The following SAP30BP variants were observed in gnomAD, a reference collection of about 807,000 sequenced individuals.
SAP30BP encodes the protein SAP30 binding protein.
A neutral mutation model predicts 46.3 loss-of-function variants in SAP30BP; 31 were observed. The observed-to-expected ratio is 0.67, with a 90% CI of 0.50 to 0.90. SAP30BP has a LOEUF of 0.90. SAP30BP is among the 40% of genes least tolerant of loss of function. SAP30BP has a pLI of 0.00. For synonymous variants in SAP30BP, 169 were observed against 144.2 expected (o/e 1.17, Z -1.23); for missense variants, 312 against 391.0 (o/e 0.80, Z 1.70).
intron 3 of SAP30BP, among the ~76,000 whole-genome samples, chr17:75,678,457 A>G (rs1225248449): frequency 1.9e-5 from 2 of 107,484 alleles, no homozygotes; most frequent in African/African-American, 3.3e-5. Flanking sequence ...CACAGACACA[A>G]TTTAAAACAC....
At position 75,707,508 on chromosome 17, in the gene SAP30BP, CAAA is replaced by C. The variant is rs1459501386; in HGVS notation, c.*989_*991del. ...CCACTGGAGCGGAAGGGCTGTGTGT[CAAA>C]AGAAGGAAGCCAGGCTGTGAAGGGC... On this transcript the variant is annotated 3_prime_UTR_variant, in exon 11 of 11. Coordinates refer to ENST00000584667, the MANE Select transcript of SAP30BP (RefSeq NM_013260.8). 6.5e-6 allele frequency: 1 copy of C among 152,682 alleles called. No homozygotes were observed. Among genetic ancestry groups the C allele is most frequent in the African/African-American group, 2.4e-5 (1 of 41,430 alleles). 9.5% of individuals were successfully genotyped at this position (152,682 alleles called of 1,614,324 possible).
chr17:75,703,668 C>A, intron 7 of SAP30BP, 140 bp from the exon 8 acceptor site: 1 of 790,074 alleles, frequency 1.3e-6, no homozygotes, highest in South Asian at 1.5e-5. Context: ...TGCCAGCCGC[C>A]CCTTGGCTAA....
chr17:75,676,190 C>G (rs973617546), intron 3 of SAP30BP, among the ~76,000 whole-genome samples: 3 of 152,252 alleles, frequency 2.0e-5, no homozygotes, highest in Non-Finnish European at 4.4e-5. Flanking sequence ...CCAGTGAACT[C>G]TGCATTCTGC....
intron 3 of SAP30BP, chr17:75,693,088 G>A: frequency 9.5e-6 from 2 of 210,206 alleles, no homozygotes; most frequent in Middle Eastern, 1.7e-3. Flanking sequence ...ACTCCATTCA[G>A]GCAAGCTTCC....
Position 75,706,912 on chromosome 17 carries a change from G to A in SAP30BP, c.*391G>A, listed in dbSNP as rs1280243736. On this transcript the variant is annotated 3_prime_UTR_variant, in exon 11 of 11. Coordinates refer to ENST00000584667, the MANE Select transcript of SAP30BP (RefSeq NM_013260.8). This position sits in a 1 kb window ranked among gnomAD's most constrained non-coding sequence, Gnocchi z 4.6. ...GGAGGCCTGGGACGCTGTTCAGAGGGGTGACCCAAGAAGTCACCGTTGTTA... is the reference window on the plus strand; with the variant it reads ...GGAGGCCTGGGACGCTGTTCAGAGGAGTGACCCAAGAAGTCACCGTTGTTA... 1.8e-5 allele frequency: 4 copies of A among 217,352 alleles called. No homozygotes were observed. Among genetic ancestry groups the A allele is most frequent in the Admixed American group, 5.2e-5 (1 of 19,404 alleles). 13.5% of individuals were successfully genotyped at this position (217,352 alleles called of 1,614,324 possible).
chr17:75,685,309 T>C (rs1172219693), intron 3 of SAP30BP, among the ~76,000 whole-genome samples: 1 of 152,196 alleles, frequency 6.6e-6, no homozygotes, highest in Non-Finnish European at 1.5e-5. Context: ...CGACCTTCGT[T>C]CTGTATTTTC....
At chr17:75,668,887 G>C (rs909228790) in intron 2 of SAP30BP, among the ~76,000 whole-genome samples, 1 of 152,122 alleles carries the variant, frequency 6.6e-6, no homozygotes, top group Non-Finnish European at 1.5e-5. Context: ...ATATCAATGG[G>C]TGTTTTATGT....
intron 4 of SAP30BP, 79 bp from the exon 5 acceptor site, chr17:75,699,704 A>G: frequency 1.1e-6 from 1 of 931,190 alleles, no homozygotes; most frequent in Middle Eastern, 2.4e-4. Context: ...ATAACATTTT[A>G]TGTGCTTATG....
In SAP30BP at chr17:75,703,543, A is replaced by C. The variant is rs2060447349; in HGVS notation, c.549+172A>C. On this transcript the variant is annotated intron_variant, in intron 7 of 10. Transcript: ENST00000584667. ...CTATTGTTCTGAAATAGTCCAATAA[A>C]GAGATTCCGGTGGCCGGCCTGGTGC... The C allele has an allele frequency of 1.2e-5, 8 of 659,510 alleles. No homozygotes were observed. In the Admixed American group the frequency reaches 1.6e-4, roughly 13 times the overall value. The allele number at this position is 659,510 out of a possible 1,614,324, so 40.9% of individuals were successfully genotyped here. A position where few individuals can be genotyped will look rare whatever the true frequency, so the allele number is the denominator to read the frequency against.
intron 2 of SAP30BP, among the ~76,000 whole-genome samples, chr17:75,671,066 C>T (rs757846543): frequency 2.0e-5 from 3 of 152,174 alleles, no homozygotes; most frequent in Non-Finnish European, 4.4e-5. Context: ...ATGGCGGGCT[C>T]GCTTTGGAGA....
chr17:75,685,776 T>C lies in SAP30BP; in HGVS notation c.265-7664T>C, dbSNP rs184234586. ...TGGGAAGCCTTGAAGGGAAAAAGCC[T>C]GTCCTGGCCTCACCACCAAGAGCTT... On this transcript the variant is annotated intron_variant, in intron 3 of 10. Coordinates refer to ENST00000584667, the MANE Select transcript of SAP30BP (RefSeq NM_013260.8). Among the ~76,000 whole-genome samples the C allele has an allele frequency of 1.6e-3, 237 of 152,302 alleles. 1 individual carries two copies. The highest frequency in any genetic ancestry group is 3.0e-3 in the Admixed American group (46 of 15,302).
At position 75,693,483 on chromosome 17, in the gene SAP30BP, G is replaced by A. The variant is rs758547369; in HGVS notation, c.307+1G>A. 1.9e-6 allele frequency: 3 copies of A among 1,613,784 alleles called. No individual in the cohort carries two copies. In the Admixed American group the frequency reaches 5.0e-5, roughly 27 times the overall value. On this transcript the variant is annotated splice_donor_variant, in intron 4 of 10. Coordinates refer to ENST00000584667, the MANE Select transcript of SAP30BP (RefSeq NM_013260.8). LOFTEE classifies it high-confidence loss of function. ...AAGCGAGACCCCCAGGAACTCGTGGGTGAGTATTGGGGGATCCTGGGGGCA... is the reference window on the plus strand; with the variant it reads ...AAGCGAGACCCCCAGGAACTCGTGGATGAGTATTGGGGGATCCTGGGGGCA...
chr17:75,703,116 C>T lies in SAP30BP; in HGVS notation c.489-195C>T, dbSNP rs73368050. On this transcript the variant is annotated intron_variant, in intron 6 of 10. Coordinates refer to ENST00000584667, the MANE Select transcript of SAP30BP (RefSeq NM_013260.8). ...ACAAAACTCAGCCGTCACCTTGACC[C>T]TGTGCTCCTCCCGGCCCCTAGCTAA... 1.4e-3 allele frequency: 825 copies of T among 592,414 alleles called. 4 individuals are homozygous for T. The highest frequency in any genetic ancestry group is 0.013 in the African/African-American group (722 of 53,924). The allele number at this position is 592,414 out of a possible 1,614,324, so 36.7% of individuals were successfully genotyped here.
intron 4 of SAP30BP, 74 bp downstream of exon 4, chr17:75,693,556 C>T: frequency 7.2e-7 from 1 of 1,396,400 alleles, no homozygotes; most frequent in Non-Finnish European, 1.0e-6. Flanking sequence ...CCATGCCAGG[C>T]CTGCCGCCCC....
At chr17:75,699,284 G>T (rs974356429) in intron 4 of SAP30BP, among the ~76,000 whole-genome samples, 25 of 152,088 alleles carry the variant, frequency 1.6e-4, no homozygotes, top group African/African-American at 5.6e-4. Flanking sequence ...GCTCACTGCA[G>T]CCACCACCTT....
rs764417744 is a variant in SAP30BP at position 75,667,347 on chromosome 17, A to C, written c.-26A>C. 7.5e-6 allele frequency: 12 copies of C among 1,606,720 alleles called. No individual in the cohort carries two copies. In the East Asian group the frequency reaches 2.5e-4, roughly 33 times the overall value. Reference sequence around the variant, plus strand: ...GTCGGCGTCTTGAGTCATAGGAGTGAGCCACGCCCGGGCTGTGGGAATAAG... The same window carrying C: ...GTCGGCGTCTTGAGTCATAGGAGTGCGCCACGCCCGGGCTGTGGGAATAAG... On this transcript the variant is annotated 5_prime_UTR_variant, in exon 1 of 11. Transcript: ENST00000584667.
chr17:75,701,561 G>A (rs1486512019), intron 5 of SAP30BP, among the ~76,000 whole-genome samples: 10 of 152,190 alleles, frequency 6.6e-5, no homozygotes, highest in Non-Finnish European at 1.3e-4. Flanking sequence ...GAGTTTGGGT[G>A]AGAGATAAGC....
intron 3 of SAP30BP, 67 bp from the exon 4 acceptor site, chr17:75,693,373 T>G: frequency 7.4e-7 from 1 of 1,348,626 alleles, no homozygotes. Context: ...TCCTGAGTGG[T>G]CTCAGTAGAG....
At chr17:75,694,230 G>A (rs988876317) in intron 4 of SAP30BP, among the ~76,000 whole-genome samples, 1 of 152,070 alleles carries the variant, frequency 6.6e-6, no homozygotes, top group Non-Finnish European at 1.5e-5. Flanking sequence ...CTCCAGCCCT[G>A]GGGGTTCTGA....
Sources: allele counts gnomAD v4.1 joint callset (sites outside exome capture counted in the v4.1 genomes callset), GRCh38; gene constraint gnomAD v4.1.1; non-coding constraint Gnocchi (gnomAD v3.1); transcripts MANE v1.5; gene names NCBI Gene and HGNC (gene_info 2026-07-23, HGNC 2026-07-21).